The following GPM6A variants were observed in gnomAD, a reference collection of about 807,000 sequenced individuals.
The protein encoded by GPM6A is glycoprotein M6A.
A neutral mutation model predicts 32.1 loss-of-function variants in GPM6A; 7 were observed. The observed-to-expected ratio is 0.22, with a 90% confidence interval of 0.12 to 0.41. The LOEUF is 0.41. GPM6A is among the 10% of genes least tolerant of loss of function. The pLI is 1.00. For synonymous variants in GPM6A, 130 were observed against 123.4 expected (o/e 1.05, Z -0.35); for missense variants, 235 against 347.2 (o/e 0.68, Z 2.57).
chr4:175,785,729 T>C (rs963959685), intron 1 of GPM6A, among the ~76,000 whole-genome samples: 1 of 152,128 alleles, frequency 6.6e-6, no homozygotes, highest in African/African-American at 2.4e-5. Flanking sequence ...GAAAATAATC[T>C]AGGGTTTGAA....
chr4:175,985,889 T>A (rs1740958546), intron 1 of GPM6A, among the ~76,000 whole-genome samples: 1 of 152,100 alleles, frequency 6.6e-6, no homozygotes, highest in South Asian at 2.1e-4. Context: ...CACTGCAACA[T>A]CCATCTCCCG....
intron 1 of GPM6A, among the ~76,000 whole-genome samples, chr4:175,998,247 G>T (rs1438515766): frequency 6.6e-6 from 1 of 151,928 alleles, no homozygotes; most frequent in East Asian, 1.9e-4. Flanking sequence ...TCTGCCTCAT[G>T]GGTTCAAGCG....
intron 1 of GPM6A, among the ~76,000 whole-genome samples, chr4:175,930,433 G>T (rs1428208098): frequency 4.1e-5 from 4 of 97,732 alleles, no homozygotes; most frequent in African/African-American, 1.1e-4. Flanking sequence ...TTTGGGGGGG[G>T]GTTTTTTTGT....
At chr4:175,683,434 C>G (rs1344422798) in intron 2 of GPM6A, among the ~76,000 whole-genome samples, 1 of 152,060 alleles carries the variant, frequency 6.6e-6, no homozygotes, top group Admixed American at 6.6e-5. Context: ...CTTTGGGTGA[C>G]TGTTGGGAAG....
rs549207310 is a variant in GPM6A, at chr4:175,808,063, T to C, written c.37+4128A>G. Among the ~76,000 whole-genome samples the C allele has an allele frequency of 5.3e-5, 8 of 152,254 alleles. No homozygotes were observed. In the South Asian group the frequency reaches 1.2e-3, roughly 24 times the overall value. ...GTATAGGTTGGCCAATATTTCCTAG[T>C]CTCCTACAGCCAAAGCTGCCTCTTT... is the stretch of plus-strand genomic sequence containing the variant. On this transcript the variant is annotated intron_variant, in intron 1 of 6. Coordinates refer to ENST00000393658, the MANE Select transcript of GPM6A (RefSeq NM_201591.3).
At chr4:175,993,373 CT>C (rs981024577) in intron 1 of GPM6A, among the ~76,000 whole-genome samples, 2 of 151,180 alleles carry the variant, frequency 1.3e-5, no homozygotes, top group African/African-American at 2.4e-5. Context: ...TCTTAAAACT[CT>C]TTTTTTTTCT....
At chr4:175,967,282 A>T (rs911347546) in intron 1 of GPM6A, among the ~76,000 whole-genome samples, 1 of 152,192 alleles carries the variant, frequency 6.6e-6, no homozygotes, top group African/African-American at 2.4e-5. Context: ...ATCGAGGTGA[A>T]CTTTCTCAAC....
intron 1 of GPM6A, among the ~76,000 whole-genome samples, chr4:175,954,831 GAT>G (rs1739933035): frequency 6.6e-6 from 1 of 152,204 alleles, no homozygotes; most frequent in Non-Finnish European, 1.5e-5. Context: ...CTGGCTGCCT[GAT>G]GGCAAACAGC....
At chr4:175,748,925 A>G (rs1732209765) in intron 1 of GPM6A, among the ~76,000 whole-genome samples, 1 of 152,168 alleles carries the variant, frequency 6.6e-6, no homozygotes, top group East Asian at 1.9e-4. Flanking sequence ...TTGTTGCTTC[A>G]CCTTACAATT....
At chr4:175,718,355 C>A (rs1416156997) in intron 1 of GPM6A, among the ~76,000 whole-genome samples, 1 of 152,058 alleles carries the variant, frequency 6.6e-6, no homozygotes, top group Non-Finnish European at 1.5e-5. Context: ...GTGGCTCACA[C>A]CTGTAATCCC....
chr4:175,695,429 G>C (rs550569548), intron 2 of GPM6A, among the ~76,000 whole-genome samples: 1 of 152,168 alleles, frequency 6.6e-6, no homozygotes, highest in African/African-American at 2.4e-5. Context: ...AGCCTGGGGG[G>C]GCCCAACCTT....
At chr4:175,742,198 A>G (rs1194014853) in intron 1 of GPM6A, among the ~76,000 whole-genome samples, 1 of 152,138 alleles carries the variant, frequency 6.6e-6, no homozygotes, top group Non-Finnish European at 1.5e-5. Flanking sequence ...GCAATGTGGG[A>G]CAGGAAGTCT....
intron 1 of GPM6A, among the ~76,000 whole-genome samples, chr4:175,951,204 G>A (rs1045070763): frequency 2.6e-5 from 4 of 152,118 alleles, no homozygotes; most frequent in African/African-American, 9.7e-5. Flanking sequence ...TTCTCAAGAT[G>A]CTTATCTGCC....
chr4:175,966,191 A>C (rs530850790), intron 1 of GPM6A, among the ~76,000 whole-genome samples: 1 of 151,976 alleles, frequency 6.6e-6, no homozygotes, highest in South Asian at 2.1e-4. Flanking sequence ...AGGATTGCTT[A>C]AACTCAGGAG....
At chr4:175,721,481 A>C (rs1746131394) in intron 1 of GPM6A, among the ~76,000 whole-genome samples, 1 of 151,876 alleles carries the variant, frequency 6.6e-6, no homozygotes, top group South Asian at 2.1e-4. Flanking sequence ...GTCTCAAGAA[A>C]AAAAAAAAAG....
intron 1 of GPM6A, among the ~76,000 whole-genome samples, chr4:175,881,844 G>A (rs1234871543): frequency 6.6e-6 from 1 of 151,408 alleles, no homozygotes; most frequent in Non-Finnish European, 1.5e-5. Flanking sequence ...CCTGTTGCAG[G>A]GTGGGAGGAG....
chr4:175,801,032 C>T lies in GPM6A; in HGVS notation c.37+11159G>A, dbSNP rs189030515. ...AATCTTAGCACTATGTTTAACAAGC[C>T]TCCCAAGTATTGAACTCAAGAAACC... is the stretch of plus-strand genomic sequence containing the variant. On this transcript the variant is annotated intron_variant, in intron 1 of 6. Transcript: ENST00000393658. 809 of 167,988 alleles carry T rather than the reference C, an allele frequency of 4.8e-3. 2 individuals carry two copies. Among genetic ancestry groups the T allele is most frequent in the Non-Finnish European group, 7.0e-3 (522 of 74,824 alleles). The allele number at this position is 167,988 out of a possible 1,614,324, so 10.4% of individuals were successfully genotyped here. A position where few individuals can be genotyped will look rare whatever the true frequency, so the allele number is the denominator to read the frequency against.
At chr4:175,967,739 C>A (rs1267321614) in intron 1 of GPM6A, among the ~76,000 whole-genome samples, 6 of 152,048 alleles carry the variant, frequency 3.9e-5, no homozygotes, top group Non-Finnish European at 8.8e-5. Flanking sequence ...ATATGAAAAA[C>A]TACAACATTC....
intron 1 of GPM6A, among the ~76,000 whole-genome samples, chr4:175,739,747 G>A (rs1335366720): frequency 1.3e-5 from 2 of 152,052 alleles, no homozygotes; most frequent in Non-Finnish European, 2.9e-5. Flanking sequence ...TTAGAATCCT[G>A]AGTCACTTGG....
Sources: allele counts gnomAD v4.1 joint callset (sites outside exome capture counted in the v4.1 genomes callset), GRCh38; gene constraint gnomAD v4.1.1; transcripts MANE v1.5; gene names NCBI Gene and HGNC (gene_info 2026-07-23, HGNC 2026-07-21).